The following CEP164 variants were observed in gnomAD, a reference collection of about 807,000 sequenced individuals.
The protein encoded by CEP164 is centrosomal protein 164.
A neutral mutation model predicts 182.7 loss-of-function variants in CEP164; 162 were observed. The ratio of observed to expected loss-of-function variants is 0.89; its 90% confidence interval spans 0.78 to 1.01. The LOEUF (loss-of-function observed/expected upper bound fraction) is 1.01, where lower values mean the gene tolerates loss of function less well. CEP164 is among the 50% of genes least tolerant of loss of function. The probability of loss-of-function intolerance (pLI) is 0.00; values close to 1 mark genes in which losing one functional copy is unlikely to be tolerated. For synonymous variants in CEP164, 661 were observed against 690.0 expected, an observed-to-expected ratio of 0.96 and a Z score of 0.66; for missense variants, 1,735 against 1,790.4, an observed-to-expected ratio of 0.97 and a Z score of 0.56.
rs2045131646 is a variant in CEP164, at chr11:117,394,351, A to T, written c.2618A>T (p.Glu873Val). Residue 873 changes from glutamate to valine, a missense_variant and splice_region_variant, in exon 21 of 33, where the codon GAG (glutamate) becomes GTG (valine). Transcript: ENST00000278935. This position sits in a 1 kb window ranked among gnomAD's most constrained non-coding sequence, Gnocchi z 4.0. ...AKAREQYEAE[E>V]RKQRAELLGH... ...CCGGTGGGCCCACCCTCCTTGCAGGAGAGGAAGCAGCGGGCTGAGCTTCTG... is the reference window on the plus strand; with the variant it reads ...CCGGTGGGCCCACCCTCCTTGCAGGTGAGGAAGCAGCGGGCTGAGCTTCTG... The T allele has an allele frequency of 6.3e-7, 1 of 1,596,242 alleles. No individual in the cohort carries two copies.
intron 3 of CEP164, among the ~76,000 whole-genome samples, chr11:117,342,574 C>G (rs747933629): frequency 6.6e-6 from 1 of 151,892 alleles, no homozygotes; most frequent in Non-Finnish European, 1.5e-5. Flanking sequence ...CCTCCTGTCT[C>G]AAGCGATTCT....
chr11:117,396,526 G>T, intron 25 of CEP164, 24 bp from the exon 26 acceptor site: 1 of 1,606,024 alleles, frequency 6.2e-7, no homozygotes, highest in East Asian at 2.2e-5. Context: ...ACACTCAGTG[G>T]ACTTTTCTAC....
In CEP164 at chr11:117,407,776, G is replaced by T. The variant is rs550589933; in HGVS notation, c.3502-149G>T. On this transcript the variant is annotated intron_variant, in intron 27 of 32. Transcript: ENST00000278935. ...ATACTCTTTCTCTTGTAATTCTTACGACCCTGTGAAAAGTCATAGTTCTCT... is the reference window on the plus strand; with the variant it reads ...ATACTCTTTCTCTTGTAATTCTTACTACCCTGTGAAAAGTCATAGTTCTCT... 3.6e-4 allele frequency: 203 copies of T among 562,246 alleles called. 3 individuals carry two copies. In the South Asian group the frequency reaches 3.9e-3, roughly 11 times the overall value. 34.8% of individuals were successfully genotyped at this position (562,246 alleles called of 1,614,324 possible).
intron 27 of CEP164, among the ~76,000 whole-genome samples, chr11:117,400,967 A>C (rs1038194299): frequency 6.6e-6 from 1 of 152,152 alleles, no homozygotes; most frequent in African/African-American, 2.4e-5. Flanking sequence ...TCCTATTTGA[A>C]TACCCTTTGT....
Position 117,394,933 on chromosome 11 carries a change from A to G in CEP164, c.2774A>G (p.Gln925Arg), listed in dbSNP as rs2045244708. 6.2e-7 allele frequency: 1 copy of G among 1,614,176 alleles called. No homozygotes were observed. The highest frequency in any genetic ancestry group is 8.5e-7 in the Non-Finnish European group (1 of 1,180,016). ...CTTTCTGGGCAGGAAAGGAAGCTCC[A>G]GGATTTAGAGTTGGACCTTGAAACC... The part of the protein sequence containing the change: ...RRHREQERKL[Q>R]DLELDLETRA... Residue 925 changes from glutamine to arginine, a missense_variant, in exon 22 of 33, where the codon CAG becomes CGG. Gln to Arg is a conservative substitution (Grantham distance 43). Transcript: ENST00000278935. The surrounding 1 kb of genome is among the most constrained non-coding windows in gnomAD (Gnocchi z 4.0).
intron 4 of CEP164, among the ~76,000 whole-genome samples, chr11:117,350,852 A>G (rs78647789): frequency 1.2e-3 from 184 of 152,020 alleles, no homozygotes; most frequent in African/African-American, 2.6e-3. Context: ...TTTATGTGTG[A>G]ATATAAAATA....
chr11:117,404,279 A>ATCT (rs2046441579), intron 27 of CEP164, among the ~76,000 whole-genome samples: 2 of 152,140 alleles, frequency 1.3e-5, no homozygotes, highest in Admixed American at 1.3e-4. Flanking sequence ...GTTTTTCCTC[A>ATCT]TCTTCATGGA....
chr11:117,388,715 A>G (rs1292683728), intron 15 of CEP164, among the ~76,000 whole-genome samples: 1 of 152,154 alleles, frequency 6.6e-6, no homozygotes, highest in Non-Finnish European at 1.5e-5. Flanking sequence ...GGACAAAGAG[A>G]AAAGGTTTCT....
intron 1 of CEP164, among the ~76,000 whole-genome samples, chr11:117,334,228 T>G (rs544783970): frequency 6.6e-6 from 1 of 152,294 alleles, no homozygotes; most frequent in East Asian, 1.9e-4. Context: ...TAAATATTCC[T>G]CGAGTGAGTA....
At chr11:117,376,694 T>C (rs973032515) in intron 11 of CEP164, among the ~76,000 whole-genome samples, 6 of 152,202 alleles carry the variant, frequency 3.9e-5, no homozygotes, top group African/African-American at 1.4e-4. Context: ...GAGCCCAACA[T>C]GTTCCTCTCA....
intron 1 of CEP164, among the ~76,000 whole-genome samples, chr11:117,322,430 A>G (rs1195522137): frequency 6.6e-6 from 1 of 152,106 alleles, no homozygotes; most frequent in Admixed American, 6.6e-5. Context: ...ATGCATTTAT[A>G]ATTTCTTTGT....
rs572496574 is a variant in CEP164 at position 117,393,061 on chromosome 11, T to C, written c.2551T>C (p.Leu851=). ...AGTGGAAGGGGAGCATGAGAGGAGG[T>C]TGGACAAGATGAAGGAGGAGCACCA... ...QEVEGEHERR[L]DKMKEEHQQV... Residue 851 remains leucine, a synonymous_variant, in exon 20 of 33, where the codon TTG becomes CTG. Coordinates refer to ENST00000278935, the MANE Select transcript of CEP164 (RefSeq NM_014956.5). 5 of 1,613,266 alleles carry C rather than the reference T, an allele frequency of 3.1e-6. No homozygotes were observed. Among genetic ancestry groups the C allele is most frequent in the African/African-American group, 1.3e-5 (1 of 74,806 alleles).
intron 1 of CEP164, among the ~76,000 whole-genome samples, chr11:117,330,911 C>T (rs2036099647): frequency 6.6e-6 from 1 of 152,192 alleles, no homozygotes; most frequent in African/African-American, 2.4e-5. Flanking sequence ...AAAACTGAGG[C>T]TGTCCAGCTA....
rs992498040 is a variant in CEP164, at chr11:117,408,361, G to T, written c.3609+329G>T. Among the ~76,000 whole-genome samples the T allele has an allele frequency of 2.0e-5, 3 of 152,222 alleles. No individual in the cohort carries two copies. In the East Asian group the frequency reaches 5.8e-4, roughly 29 times the overall value. On this transcript the variant is annotated intron_variant, in intron 28 of 32. Transcript: ENST00000278935. The stretch of plus-strand genomic sequence containing the variant: ...CAGGGTGTCAGGAATGGACACACAT[G>T]ATAGATTTTCCTACCTGCCTTGGGA...
chr11:117,352,637 A>C (rs897826843), intron 5 of CEP164, among the ~76,000 whole-genome samples: 3 of 152,288 alleles, frequency 2.0e-5, no homozygotes, highest in African/African-American at 7.2e-5. Flanking sequence ...CCCAGGCTGG[A>C]GTACAGTGGC....
rs571359845 is a variant in CEP164 at position 117,381,565 on chromosome 11, G to A, written c.1410-136G>A. ...GCCTTGCCCTGCTATGGCTCTCCAT[G>A]GATGGATGTGGGGGTGGGGCTGGAG... On this transcript the variant is annotated intron_variant, in intron 12 of 32. Transcript: ENST00000278935. 4 of 1,064,432 alleles carry A rather than the reference G, an allele frequency of 3.8e-6. No homozygotes were observed. In the South Asian group the frequency reaches 6.7e-5, roughly 18 times the overall value. 65.9% of individuals were successfully genotyped at this position (1,064,432 alleles called of 1,614,324 possible).
intron 5 of CEP164, among the ~76,000 whole-genome samples, chr11:117,353,178 C>G (rs2039878009): frequency 1.3e-5 from 2 of 152,132 alleles, no homozygotes; most frequent in South Asian, 2.1e-4. Context: ...CGTTTCAACC[C>G]TCTTCAGTTG....
intron 5 of CEP164, among the ~76,000 whole-genome samples, chr11:117,360,769 T>G (rs1029136905): frequency 6.6e-6 from 1 of 152,184 alleles, no homozygotes; most frequent in African/African-American, 2.4e-5. Flanking sequence ...TGTACAGAGC[T>G]CTCCTCAAAG....
chr11:117,333,702 A>AT (rs1355450137), intron 1 of CEP164, among the ~76,000 whole-genome samples: 3 of 149,650 alleles, frequency 2.0e-5, no homozygotes, highest in Non-Finnish European at 3.0e-5. Context: ...CTAATTTTTA[A>AT]TTTTTTTTGT....
Sources: allele counts gnomAD v4.1 joint callset (sites outside exome capture counted in the v4.1 genomes callset), GRCh38; gene constraint gnomAD v4.1.1; non-coding constraint Gnocchi (gnomAD v3.1); transcripts MANE v1.5; gene names NCBI Gene and HGNC (gene_info 2026-07-23, HGNC 2026-07-21).